DSCAM: variants seen among roughly 807,000 people sequenced by gnomAD.
The protein encoded by DSCAM is DS cell adhesion molecule.
In DSCAM, 47 loss-of-function variants were observed where a neutral mutation model predicts 217.7. The ratio of observed to expected loss-of-function variants is 0.22; its 90% CI spans 0.17 to 0.28. DSCAM has a LOEUF of 0.28. Among genes scored for constraint, DSCAM ranks in the 10% least tolerant of loss-of-function variants. DSCAM has a pLI of 1.00. For missense variants in DSCAM, 2,080 were observed against 2,618.3 expected, an observed-to-expected ratio of 0.79 and a Z score of 4.49; for synonymous variants, 1,056 against 1,015.3, an observed-to-expected ratio of 1.04 and a Z score of -0.76.
intron 11 of DSCAM, among the ~76,000 whole-genome samples, chr21:40,196,205 C>G (rs2091006055): frequency 6.6e-6 from 1 of 152,092 alleles, no homozygotes; most frequent in African/African-American, 2.4e-5. Context: ...GTGCCCCTCA[C>G]ATATGTCTTA....
intron 3 of DSCAM, among the ~76,000 whole-genome samples, chr21:40,676,914 T>C (rs1279305547): frequency 6.6e-6 from 1 of 152,110 alleles, no homozygotes; most frequent in Non-Finnish European, 1.5e-5. Flanking sequence ...GCTCCCTGGC[T>C]CTCCACCGAG....
rs114140969 is a variant in DSCAM, at chr21:40,164,233, G to A, written c.3018+2985C>T. 7.8e-4 allele frequency among the ~76,000 whole-genome samples: 119 copies of A among 152,268 alleles called. 1 individual carries two copies. The highest frequency in any genetic ancestry group is 2.6e-3 in the African/African-American group (107 of 41,570). Reference sequence around the variant, plus strand: ...TCTGGGGATTCCCATCTTCATGGGGGCAGTCATGCACAATCTGAGCCTCAA... The same window carrying A: ...TCTGGGGATTCCCATCTTCATGGGGACAGTCATGCACAATCTGAGCCTCAA... On this transcript the variant is annotated intron_variant, in intron 16 of 32. Coordinates refer to ENST00000400454, the MANE Select transcript of DSCAM (RefSeq NM_001389.5).
At chr21:40,352,490 T>C (rs1329228197) in intron 5 of DSCAM, among the ~76,000 whole-genome samples, 1 of 152,070 alleles carries the variant, frequency 6.6e-6, no homozygotes, top group Non-Finnish European at 1.5e-5. Flanking sequence ...TTAATATAAA[T>C]ATATTCTCTT....
intron 3 of DSCAM, among the ~76,000 whole-genome samples, chr21:40,667,234 A>G (rs2090213471): frequency 6.6e-6 from 1 of 152,208 alleles, no homozygotes; most frequent in African/African-American, 2.4e-5. Context: ...TTCAGATGGA[A>G]AAATGCATGT....
chr21:40,441,595 T>C (rs143433036), intron 3 of DSCAM, among the ~76,000 whole-genome samples: 2 of 152,322 alleles, frequency 1.3e-5, no homozygotes, highest in Non-Finnish European at 2.9e-5. Flanking sequence ...CTTCTAAGCA[T>C]CCTTTTGCCA....
intron 11 of DSCAM, among the ~76,000 whole-genome samples, chr21:40,219,853 G>A (rs551837355): frequency 1.2e-4 from 18 of 152,172 alleles, no homozygotes; most frequent in South Asian, 4.1e-4. Flanking sequence ...AATGCCAACA[G>A]GTAGAAATCT....
chr21:40,549,559 A>AG (rs2076613209), intron 3 of DSCAM, among the ~76,000 whole-genome samples: 1 of 152,124 alleles, frequency 6.6e-6, no homozygotes, highest in African/African-American at 2.4e-5. Flanking sequence ...TGTGACCCTG[A>AG]GTTGAATCAG....
chr21:40,127,015 G>A lies in DSCAM; in HGVS notation c.3563-2687C>T, dbSNP rs141977493. Among the ~76,000 whole-genome samples, 582 of 152,216 alleles carry A rather than the reference G, an allele frequency of 3.8e-3. 3 individuals are homozygous for A. Among genetic ancestry groups the A allele is most frequent in the Admixed American group, 0.022 (343 of 15,288 alleles). ...TGGAGCCTCACTGCTGGTTTCATGC[G>A]GCTCTAGCACTTAGTTCCACGTCCT... On this transcript the variant is annotated intron_variant, in intron 19 of 32. Coordinates refer to ENST00000400454, the MANE Select transcript of DSCAM (RefSeq NM_001389.5).
At chr21:40,771,605 C>T (rs762177891) in intron 1 of DSCAM, among the ~76,000 whole-genome samples, 27 of 152,342 alleles carry the variant, frequency 1.8e-4, no homozygotes, top group Non-Finnish European at 3.2e-4. Flanking sequence ...CTTCTCCATC[C>T]CTCTGGGCAT....
chr21:40,611,258 C>A (rs940919094), intron 3 of DSCAM, among the ~76,000 whole-genome samples: 2 of 151,886 alleles, frequency 1.3e-5, no homozygotes, highest in African/African-American at 4.8e-5. Context: ...TGGGTTTTAC[C>A]ATGCTGGCCA....
chr21:40,433,394 CTG>C (rs2075554583), intron 3 of DSCAM, among the ~76,000 whole-genome samples: 1 of 150,990 alleles, frequency 6.6e-6, no homozygotes, highest in Non-Finnish European at 1.5e-5. Flanking sequence ...CAGGCACCAG[CTG>C]CACGGGACCA....
intron 29 of DSCAM, among the ~76,000 whole-genome samples, chr21:40,053,972 G>A (rs77659768): frequency 0.06 from 9,184 of 152,202 alleles, 600 homozygotes; most frequent in African/African-American, 0.16. Flanking sequence ...TAACCTCTCT[G>A]TGTCTCAGTT....
intron 3 of DSCAM, among the ~76,000 whole-genome samples, chr21:40,687,743 CCGTGTGTGTAG>C: frequency 6.6e-6 from 1 of 152,326 alleles, no homozygotes; most frequent in South Asian, 2.1e-4. Context: ...CCAGGCAAAA[CCGTGTGTGTAG>C]CTACAGCCTC....
intron 4 of DSCAM, among the ~76,000 whole-genome samples, chr21:40,358,972 T>C (rs2074727664): frequency 6.6e-6 from 1 of 152,090 alleles, no homozygotes; most frequent in Non-Finnish European, 1.5e-5. Context: ...GGCAAAATAG[T>C]TGACTATTTT....
intron 11 of DSCAM, among the ~76,000 whole-genome samples, chr21:40,204,617 TG>T (rs1292573209): frequency 1.5e-4 from 23 of 152,202 alleles, no homozygotes; most frequent in Admixed American, 3.9e-4. Context: ...ATAACACCAA[TG>T]GTTTTGCAGA....
chr21:40,550,300 G>A (rs1006397825), intron 3 of DSCAM, among the ~76,000 whole-genome samples: 1 of 152,098 alleles, frequency 6.6e-6, no homozygotes, highest in Non-Finnish European at 1.5e-5. Context: ...GGAGGTGGGC[G>A]GATCACCTGA....
At chr21:40,158,350 A>G (rs186813009) in intron 16 of DSCAM, among the ~76,000 whole-genome samples, 37 of 152,268 alleles carry the variant, frequency 2.4e-4, no homozygotes, top group African/African-American at 5.8e-4. Context: ...GGATGGTGCC[A>G]CTACACTGCA....
At chr21:40,631,231 C>T (rs1245223950) in intron 3 of DSCAM, among the ~76,000 whole-genome samples, 1 of 152,182 alleles carries the variant, frequency 6.6e-6, no homozygotes, top group Non-Finnish European at 1.5e-5. Context: ...TGCCACAGTG[C>T]AGCTCTATCT....
rs371837611 is a variant in DSCAM at position 40,387,407 on chromosome 21, T to C, written c.509-18162A>G. On this transcript the variant is annotated intron_variant, in intron 3 of 32. Coordinates refer to ENST00000400454, the MANE Select transcript of DSCAM (RefSeq NM_001389.5). Reference sequence around the variant, plus strand: ...GCCTTTGCAAATACCCTTGCCTTCCTAGCCTAAGCTTTGTGTAGGGATTAT... The same window carrying C: ...GCCTTTGCAAATACCCTTGCCTTCCCAGCCTAAGCTTTGTGTAGGGATTAT... Among the ~76,000 whole-genome samples, 6 of 152,026 alleles carry C rather than the reference T, an allele frequency of 3.9e-5. No homozygotes were observed. The East Asian group carries it at 5.8e-4, about 15-fold the overall frequency.
Sources: gnomAD v4.1 joint callset for allele counts (sites outside exome capture counted in the v4.1 genomes callset) on GRCh38, gnomAD v4.1.1 for gene constraint, MANE v1.5 for transcripts, NCBI Gene and HGNC (gene_info 2026-07-23, HGNC 2026-07-21) for gene names.